The following CYTH3 variants were observed in gnomAD, a reference collection of about 807,000 sequenced individuals.
CYTH3 encodes cytohesin-3.
A neutral mutation model predicts 55.1 loss-of-function variants in CYTH3; 23 were observed. The ratio of observed to expected loss-of-function variants is 0.42; its 90% CI spans 0.30 to 0.59. CYTH3 has a LOEUF of 0.59. CYTH3 is among the 20% of genes least tolerant of loss of function. CYTH3 has a pLI of 0.20. For missense variants in CYTH3, 413 were observed against 524.8 expected (o/e 0.79, Z 2.08); for synonymous variants, 249 against 194.9 (o/e 1.28, Z -2.31).
In CYTH3 at chr7:6,272,468, A is replaced by T; in HGVS notation, c.34+6T>A. On this transcript the variant is annotated splice_donor_region_variant and intron_variant, in intron 1 of 12. Transcript: ENST00000350796. ...CCGGCGAGCCCACCACACCTCCGACACTCACCGCCACCACCCTCGCCGCCG... is the reference window on the plus strand; with the variant it reads ...CCGGCGAGCCCACCACACCTCCGACTCTCACCGCCACCACCCTCGCCGCCG... The T allele has an allele frequency of 7.5e-7, 1 of 1,328,110 alleles. No homozygotes were observed. Among genetic ancestry groups the T allele is most frequent in the Non-Finnish European group, 9.7e-7 (1 of 1,028,408 alleles). 82.3% of individuals were successfully genotyped at this position (1,328,110 alleles called of 1,614,324 possible). A position where few individuals can be genotyped will look rare whatever the true frequency, so the allele number is the denominator to read the frequency against.
rs1782875141 is a variant in CYTH3 at position 6,162,795 on chromosome 7, A to G, written c.*2149T>C. On this transcript the variant is annotated 3_prime_UTR_variant, in exon 13 of 13. Transcript: ENST00000350796. ...CTTCCTGCTGCTTCTCCCAACACCC[A>G]AAACAGAAAGCTCTGCATCCCCAGG... is the stretch of plus-strand genomic sequence containing the variant. 6.6e-6 allele frequency: 1 copy of G among 152,500 alleles called. No individual in the cohort carries two copies. The highest frequency in any genetic ancestry group is 2.1e-4 in the South Asian group (1 of 4,834). The allele number at this position is 152,500 out of a possible 1,614,324, so 9.4% of individuals were successfully genotyped here.
chr7:6,255,110 T>C (rs1780064566), intron 1 of CYTH3, among the ~76,000 whole-genome samples: 1 of 152,210 alleles, frequency 6.6e-6, no homozygotes, highest in Non-Finnish European at 1.5e-5. Context: ...TGATAAATTC[T>C]TCATATAAAT....
chr7:6,182,813 T>C (rs537184629), intron 4 of CYTH3, among the ~76,000 whole-genome samples: 1 of 152,344 alleles, frequency 6.6e-6, no homozygotes, highest in South Asian at 2.1e-4. Context: ...CCCGCCTCTA[T>C]TGTTTCCATT....
intron 1 of CYTH3, among the ~76,000 whole-genome samples, chr7:6,225,850 T>TGG (rs1471056195): frequency 3.3e-5 from 5 of 151,980 alleles, no homozygotes; most frequent in Admixed American, 6.6e-5. Context: ...CAGCTAATTT[T>TGG]TGTATTTTTA....
At chr7:6,219,253 A>G (rs1480721713) in intron 1 of CYTH3, among the ~76,000 whole-genome samples, 1 of 152,334 alleles carries the variant, frequency 6.6e-6, no homozygotes, top group Non-Finnish European at 1.5e-5. Flanking sequence ...CAGAACGTGT[A>G]AGTGATGAAC....
At chr7:6,202,733 A>C (rs1034906770) in intron 1 of CYTH3, among the ~76,000 whole-genome samples, 2 of 152,184 alleles carry the variant, frequency 1.3e-5, no homozygotes, top group Non-Finnish European at 2.9e-5. Flanking sequence ...TGCTGGGATT[A>C]CAGGCGTGAG....
chr7:6,187,775 T>C (rs1583761515), intron 2 of CYTH3, 54 bp from the exon 3 acceptor site: 7 of 1,288,144 alleles, frequency 5.4e-6, no homozygotes, highest in Non-Finnish European at 5.3e-6. Flanking sequence ...CTTCCTCCCC[T>C]GAGACTCAGA....
intron 1 of CYTH3, among the ~76,000 whole-genome samples, chr7:6,251,120 G>T (rs6969814): frequency 3.3e-5 from 5 of 151,982 alleles, no homozygotes; most frequent in Admixed American, 2.6e-4. Flanking sequence ...ACTAAAAATA[G>T]AAAAATTAGC....
At chr7:6,209,567 C>T (rs1784278292) in intron 1 of CYTH3, among the ~76,000 whole-genome samples, 1 of 152,200 alleles carries the variant, frequency 6.6e-6, no homozygotes, top group Non-Finnish European at 1.5e-5. Flanking sequence ...CAGTTTCTCT[C>T]CAAGCTCAAC....
intron 12 of CYTH3, 40 bp downstream of exon 12, chr7:6,165,233 G>C (rs373994734): frequency 5.0e-6 from 8 of 1,586,600 alleles, no homozygotes; most frequent in Non-Finnish European, 6.0e-6. Flanking sequence ...CAACCGGCAC[G>C]AGAAGACGGG....
chr7:6,212,019 G>C (rs1039354753), intron 1 of CYTH3, among the ~76,000 whole-genome samples: 1 of 152,106 alleles, frequency 6.6e-6, no homozygotes, highest in African/African-American at 2.4e-5. Flanking sequence ...AAAAATACTA[G>C]GGTCTTATTC....
chr7:6,242,924 C>A (rs1779712166), intron 1 of CYTH3, among the ~76,000 whole-genome samples: 1 of 151,856 alleles, frequency 6.6e-6, no homozygotes, highest in Non-Finnish European at 1.5e-5. Flanking sequence ...GGCCTGGGAA[C>A]AAAAAAAGAA....
intron 4 of CYTH3, among the ~76,000 whole-genome samples, chr7:6,180,238 G>C (rs890290291): frequency 4.6e-5 from 7 of 152,196 alleles, no homozygotes; most frequent in African/African-American, 1.7e-4. Flanking sequence ...GAACTGAATG[G>C]GCCTGGGCAT....
intron 1 of CYTH3, among the ~76,000 whole-genome samples, chr7:6,214,909 C>T (rs896579145): frequency 9.9e-5 from 15 of 151,514 alleles, no homozygotes; most frequent in South Asian, 2.1e-4. Context: ...AGTATAGAGA[C>T]AATAGTATTT....
chr7:6,272,410 G>GGGGGGGGGGGGGCGGC, intron 1 of CYTH3, 64 bp downstream of exon 1: 2 of 1,216,614 alleles, frequency 1.6e-6, no homozygotes, highest in Non-Finnish European at 2.1e-6. Flanking sequence ...CCGCGCCCTC[G>GGGGGGGGGGGGGCGGC]ACCCCCAGCC....
intron 1 of CYTH3, among the ~76,000 whole-genome samples, chr7:6,199,921 G>C (rs1784021655): frequency 6.6e-6 from 1 of 152,194 alleles, no homozygotes. Flanking sequence ...TTTGATGGTA[G>C]ACTGAGAAAT....
Position 6,259,834 on chromosome 7 carries a change from T to TATA in CYTH3, c.34+12639_34+12640insTAT, listed in dbSNP as rs58539237. Among the ~76,000 whole-genome samples the TATA allele has an allele frequency of 6.0e-4, 10 of 16,556 alleles. 1 individual carries two copies. Among genetic ancestry groups the TATA allele is most frequent in the Admixed American group, 1.0e-3 (1 of 988 alleles). 10.9% of individuals were successfully genotyped at this position (16,556 alleles called of 152,430 possible). A position where few individuals can be genotyped will look rare whatever the true frequency, so the allele number is the denominator to read the frequency against. The stretch of plus-strand genomic sequence containing the variant: ...ATATAATATATATATATATATATAT[T>TATA]TTTTTTTTTTTTTAAGACGGATTTT... On this transcript the variant is annotated intron_variant, in intron 1 of 12. Transcript: ENST00000350796.
At position 6,182,947 on chromosome 7, in the gene CYTH3, G is replaced by C. The variant is rs376827883; in HGVS notation, c.249+4103C>G. Among the ~76,000 whole-genome samples, 515 of 152,336 alleles carry C rather than the reference G, an allele frequency of 3.4e-3. 2 individuals are homozygous for C. The highest frequency in any genetic ancestry group is 0.012 in the African/African-American group (497 of 41,586). On this transcript the variant is annotated intron_variant, in intron 4 of 12. Transcript: ENST00000350796. ...TTTGTCTTTGTATTTTAGGGTCACTGTTGGCCTAACAGAATGCTACTTGCT... is the reference window on the plus strand; with the variant it reads ...TTTGTCTTTGTATTTTAGGGTCACTCTTGGCCTAACAGAATGCTACTTGCT...
intron 10 of CYTH3, 48 bp from the exon 11 acceptor site, chr7:6,165,664 G>A (rs1011417033): frequency 1.9e-6 from 3 of 1,613,098 alleles, no homozygotes; most frequent in Non-Finnish European, 2.5e-6. Flanking sequence ...TCACCAGCCT[G>A]AGGGTCCCTC....
Sources: allele counts gnomAD v4.1 joint callset (sites outside exome capture counted in the v4.1 genomes callset), GRCh38; gene constraint gnomAD v4.1.1; transcripts MANE v1.5; gene names NCBI Gene and HGNC (gene_info 2026-07-23, HGNC 2026-07-21).